VPS8: variants seen among roughly 807,000 people sequenced by gnomAD.
VPS8 encodes vacuolar protein sorting-associated protein 8 homolog.
Under a neutral mutation model 216.4 loss-of-function variants are expected in VPS8, and 129 were observed. The ratio of observed to expected loss-of-function variants is 0.60; its 90% CI spans 0.52 to 0.69. VPS8 has a LOEUF of 0.69. Among genes scored for constraint, VPS8 ranks in the 30% least tolerant of loss-of-function variants. The probability of loss-of-function intolerance (pLI) is 0.00; values close to 1 mark genes in which losing one functional copy is unlikely to be tolerated. For missense variants in VPS8, 1,531 were observed against 1,683.5 expected (o/e 0.91, Z 1.59); for synonymous variants, 571 against 565.4 (o/e 1.01, Z -0.14).
intron 21 of VPS8, among the ~76,000 whole-genome samples, chr3:184,882,108 T>C (rs1730374361): frequency 6.6e-6 from 1 of 152,056 alleles, no homozygotes; most frequent in Non-Finnish European, 1.5e-5. Context: ...ACTTCAGCAT[T>C]GTATTGAAGA....
At chr3:184,946,204 A>G (rs945373097) in intron 36 of VPS8, among the ~76,000 whole-genome samples, 5 of 152,216 alleles carry the variant, frequency 3.3e-5, no homozygotes, top group Admixed American at 6.5e-5. Context: ...CCTATATTTT[A>G]GCAGAATTCA....
chr3:184,907,915 C>CTT (rs1263229741), intron 25 of VPS8, among the ~76,000 whole-genome samples: 1 of 152,156 alleles, frequency 6.6e-6, no homozygotes, highest in Non-Finnish European at 1.5e-5. Flanking sequence ...AAATTAGGGC[C>CTT]TTTGAGAATT....
At chr3:184,962,363 A>G (rs1479962671) in intron 37 of VPS8, among the ~76,000 whole-genome samples, 1 of 152,192 alleles carries the variant, frequency 6.6e-6, no homozygotes, top group Admixed American at 6.5e-5. Context: ...TTCTATTCTC[A>G]TCAGCAGTGT....
Position 184,957,467 on chromosome 3 carries a change from A to G in VPS8, c.3129A>G (p.Gln1043=). The change falls in exon 37 of 48, where the codon CAA becomes CAG. Residue 1043 remains glutamine (Q), a synonymous_variant. Coordinates refer to ENST00000625842, the MANE Select transcript of VPS8 (RefSeq NM_001009921.3). ...TGTTGTGTCAGTTCAACCCAACCCA[A>G]GTTATAGAGACTCTGCAAGTCCTTG... is the stretch of plus-strand genomic sequence containing the variant. ...IELLCQFNPT[Q]VIETLQVLEC... is the part of the protein sequence containing the mutation. 1.2e-6 allele frequency: 2 copies of G among 1,612,694 alleles called. No homozygotes were observed. Among genetic ancestry groups the G allele is most frequent in the South Asian group, 1.1e-5 (1 of 90,722 alleles).
chr3:185,045,765 TAA>T (rs71632043), intron 46 of VPS8, among the ~76,000 whole-genome samples: 59,134 of 128,632 alleles, frequency 0.46, 12,971 homozygotes, highest in East Asian at 0.67. Context: ...AGACTCCGTC[TAA>T]AAAAAAAAAA....
At chr3:185,002,032 G>A (rs1484126489) in intron 45 of VPS8, among the ~76,000 whole-genome samples, 2 of 152,204 alleles carry the variant, frequency 1.3e-5, no homozygotes, top group African/African-American at 4.8e-5. Flanking sequence ...AAAGGAGTAA[G>A]CTAGACGAGT....
In VPS8 at chr3:185,024,292, A is replaced by G. The variant is rs1198131403; in HGVS notation, c.4003-44A>G. On this transcript the variant is annotated intron_variant, in intron 45 of 47. Coordinates refer to ENST00000625842, the MANE Select transcript of VPS8 (RefSeq NM_001009921.3). Reference sequence around the variant, plus strand: ...TTGAATGTGGGTCAGACAAAACTAGACTATAACTGAAAGGGTATTAAAATG... The same window carrying G: ...TTGAATGTGGGTCAGACAAAACTAGGCTATAACTGAAAGGGTATTAAAATG... The G allele has an allele frequency of 3.3e-6, 5 of 1,532,394 alleles. No individual in the cohort carries two copies. The East Asian group carries it at 7.2e-5, about 22-fold the overall frequency. 94.9% of individuals were successfully genotyped at this position (1,532,394 alleles called of 1,614,324 possible).
At chr3:184,971,036 G>T (rs1223703441) in intron 39 of VPS8, among the ~76,000 whole-genome samples, 1 of 152,340 alleles carries the variant, frequency 6.6e-6, no homozygotes, top group East Asian at 1.9e-4. Context: ...GTAAATGGAG[G>T]AGGAGGAGCA....
intron 25 of VPS8, among the ~76,000 whole-genome samples, chr3:184,903,561 C>T (rs926158605): frequency 1.3e-5 from 2 of 152,168 alleles, no homozygotes; most frequent in Non-Finnish European, 2.9e-5. Context: ...AAGTGATCCT[C>T]CTTCCTCAGC....
intron 21 of VPS8, among the ~76,000 whole-genome samples, chr3:184,885,634 G>A (rs1731072880): frequency 6.6e-6 from 1 of 151,906 alleles, no homozygotes; most frequent in Non-Finnish European, 1.5e-5. Flanking sequence ...TTTTTTTTGC[G>A]AGTTTTCTTT....
intron 40 of VPS8, among the ~76,000 whole-genome samples, chr3:184,974,833 T>G (rs529884303): frequency 7.2e-5 from 11 of 152,276 alleles, no homozygotes; most frequent in Non-Finnish European, 1.3e-4. Flanking sequence ...CTAATGTATA[T>G]TATTGACTCC....
intron 3 of VPS8, among the ~76,000 whole-genome samples, chr3:184,831,933 ACTT>A (rs1291810394): frequency 3.9e-5 from 6 of 152,014 alleles, no homozygotes; most frequent in African/African-American, 1.2e-4. Flanking sequence ...ATGTCTTTCC[ACTT>A]CTTAAAAATG....
intron 3 of VPS8, among the ~76,000 whole-genome samples, chr3:184,832,105 T>C (rs1448098079): frequency 6.6e-6 from 1 of 152,304 alleles, no homozygotes; most frequent in East Asian, 1.9e-4. Flanking sequence ...TATAAGGCTT[T>C]TCATGGTTTG....
chr3:184,974,989 A>G (rs1380537102), intron 40 of VPS8, among the ~76,000 whole-genome samples: 3 of 152,092 alleles, frequency 2.0e-5, no homozygotes, highest in African/African-American at 7.2e-5. Flanking sequence ...ATCAGGTAGT[A>G]TGATGCCTAT....
intron 45 of VPS8, among the ~76,000 whole-genome samples, chr3:185,004,099 A>G (rs1271172131): frequency 6.6e-6 from 1 of 152,170 alleles, no homozygotes. Context: ...AGAGGCTGCA[A>G]TCTCGGCACC....
intron 45 of VPS8, among the ~76,000 whole-genome samples, chr3:185,001,582 A>G (rs1313186058): frequency 6.6e-6 from 1 of 151,586 alleles, no homozygotes; most frequent in Non-Finnish European, 1.5e-5. Flanking sequence ...CCTCAACCCC[A>G]CCATTTACAG....
intron 37 of VPS8, among the ~76,000 whole-genome samples, chr3:184,958,792 G>A (rs1392639550): frequency 2.0e-5 from 3 of 152,214 alleles, no homozygotes; most frequent in South Asian, 2.1e-4. Flanking sequence ...CTCAAAAACC[G>A]TGAGTTAGAA....
chr3:184,946,855 A>AG (rs200240003), intron 36 of VPS8, among the ~76,000 whole-genome samples: 1,763 of 152,048 alleles, frequency 0.012, 40 homozygotes, highest in African/African-American at 0.04. Flanking sequence ...TTTCCTTTTC[A>AG]GTTCTTAGTT....
At chr3:185,048,393 A>G in intron 46 of VPS8, 86 bp from the exon 47 acceptor site, 1 of 1,269,226 alleles carries the variant, frequency 7.9e-7, no homozygotes, top group Non-Finnish European at 1.1e-6. Context: ...AGGAAGCACC[A>G]TGTTATGCTT....
Sources: gnomAD v4.1 joint callset for allele counts (sites outside exome capture counted in the v4.1 genomes callset) on GRCh38, gnomAD v4.1.1 for gene constraint, MANE v1.5 for transcripts, NCBI Gene and HGNC (gene_info 2026-07-23, HGNC 2026-07-21) for gene names.